HIVEP2: variants seen among roughly 807,000 people sequenced by gnomAD.
HIVEP2 encodes HIVEP zinc finger 2, also known as transcription factor HIVEP2.
In HIVEP2, 14 loss-of-function variants were observed where a neutral mutation model predicts 180.7. The observed-to-expected ratio is 0.08, with a 90% CI of 0.05 to 0.12. The LOEUF (loss-of-function observed/expected upper bound fraction) is 0.12. HIVEP2 is among the 10% of genes least tolerant of loss of function. HIVEP2 has a pLI of 1.00. For synonymous variants in HIVEP2, 1,184 were observed against 1,136.4 expected (o/e 1.04, Z -0.84); for missense variants, 2,579 against 3,008.5 (o/e 0.86, Z 3.34).
intron 1 of HIVEP2, among the ~76,000 whole-genome samples, chr6:142,934,614 AT>A (rs1365284898): frequency 2.0e-5 from 3 of 152,238 alleles, no homozygotes; most frequent in African/African-American, 7.2e-5. Flanking sequence ...GAGAAAGCGA[AT>A]TTATTAAAAT....
At chr6:142,797,599 T>C (rs1022889691) in intron 2 of HIVEP2, among the ~76,000 whole-genome samples, 2 of 152,166 alleles carry the variant, frequency 1.3e-5, no homozygotes, top group East Asian at 3.9e-4. Context: ...TTTTGCTTTC[T>C]GCAGTTTCAG....
rs1775487654 is a variant in HIVEP2, at chr6:142,770,127, G to A, written c.4612C>T (p.Leu1538=). The change falls in exon 5 of 10, where the codon CTG becomes TTG. Residue 1538 remains leucine, a synonymous_variant. Transcript: ENST00000367603. This position sits in a 1 kb window ranked among gnomAD's most constrained non-coding sequence, Gnocchi z 4.7. ...CCGGAAAGCATCTCCTTGCTGGGCA[G>A]GAATGGCTCCCTGGAAGACGGGCTA... is the stretch of plus-strand genomic sequence containing the variant. ...SVSPSSREPF[L]PSKEMLSGSR... is the part of the protein sequence containing the mutation. The A allele has an allele frequency of 1.2e-6, 2 of 1,614,228 alleles. No homozygotes were observed. Among genetic ancestry groups the A allele is most frequent in the East Asian group, 4.5e-5 (2 of 44,876 alleles).
chr6:142,873,476 C>T (rs1041698016), intron 1 of HIVEP2, among the ~76,000 whole-genome samples: 2 of 152,134 alleles, frequency 1.3e-5, no homozygotes, highest in Non-Finnish European at 2.9e-5. Flanking sequence ...TTACCACAGG[C>T]TTACATATAC....
At chr6:142,798,040 G>A (rs1212143543) in intron 2 of HIVEP2, among the ~76,000 whole-genome samples, 1 of 152,070 alleles carries the variant, frequency 6.6e-6, no homozygotes, top group Non-Finnish European at 1.5e-5. Context: ...CATTAAAAGG[G>A]ATTTTCATCC....
At chr6:142,784,183 T>C (rs1315644042) in intron 2 of HIVEP2, among the ~76,000 whole-genome samples, 4 of 152,196 alleles carry the variant, frequency 2.6e-5, no homozygotes, top group Admixed American at 6.5e-5. Context: ...AAGAAATGCA[T>C]GGAAGATCAA....
rs1260788523 is a variant in HIVEP2 at position 142,836,807 on chromosome 6, C to T, written c.-528+128G>A. The T allele has an allele frequency of 2.0e-5, 3 of 152,040 alleles. No individual in the cohort carries two copies. The East Asian group carries it at 5.8e-4, about 29-fold the overall frequency. The allele number at this position is 152,040 out of a possible 1,614,324, so 9.4% of individuals were successfully genotyped here. ...TTTAGATAATATCCAAAACATCTAT[C>T]ACAGGTTTCAAGAGCCTCAAATAAT... On this transcript the variant is annotated intron_variant, in intron 2 of 9. Transcript: ENST00000367603.
At chr6:142,934,414 C>G (rs576205096) in intron 1 of HIVEP2, among the ~76,000 whole-genome samples, 1 of 152,280 alleles carries the variant, frequency 6.6e-6, no homozygotes, top group South Asian at 2.1e-4. Context: ...GTCATCCATT[C>G]TGGTGTTCTC....
chr6:142,793,390 G>A (rs1776187645), intron 2 of HIVEP2, among the ~76,000 whole-genome samples: 1 of 152,052 alleles, frequency 6.6e-6, no homozygotes, highest in Non-Finnish European at 1.5e-5. Context: ...TAGTGACTGA[G>A]GTGATTCTTT....
chr6:142,887,787 A>G (rs1776739849), intron 1 of HIVEP2, among the ~76,000 whole-genome samples: 1 of 152,180 alleles, frequency 6.6e-6, no homozygotes, highest in African/African-American at 2.4e-5. Flanking sequence ...GAAGTTAAAC[A>G]AATCACCGTT....
intron 3 of HIVEP2, among the ~76,000 whole-genome samples, chr6:142,776,595 A>G (rs935634588): frequency 1.1e-4 from 17 of 152,050 alleles, no homozygotes; most frequent in Non-Finnish European, 2.5e-4. Flanking sequence ...CAGTGGTGCA[A>G]TCACTGCTCA....
At chr6:142,799,640 GC>G (rs1159400687) in intron 2 of HIVEP2, among the ~76,000 whole-genome samples, 8 of 152,134 alleles carry the variant, frequency 5.3e-5, no homozygotes, top group Admixed American at 5.2e-4. Flanking sequence ...CCTGCTGAAA[GC>G]ATGTTTTCCC....
At chr6:142,861,084 C>T (rs948434289) in intron 1 of HIVEP2, among the ~76,000 whole-genome samples, 57 of 152,140 alleles carry the variant, frequency 3.7e-4, no homozygotes, top group African/African-American at 1.3e-3. Flanking sequence ...AGAAACATCA[C>T]AACAGAACGA....
Position 142,774,603 on chromosome 6 carries a change from G to A in HIVEP2, c.136C>T (p.Arg46Trp), listed in dbSNP as rs200063029. 171 of 1,614,068 alleles carry A rather than the reference G, an allele frequency of 1.1e-4. No individual in the cohort carries two copies. The highest frequency in any genetic ancestry group is 1.4e-4 in the Non-Finnish European group (160 of 1,180,040). The change falls in exon 5 of 10, where the codon CGG becomes TGG. Residue 46 changes from arginine to tryptophan, a missense_variant. This residue lies in a region of HIVEP2 where 207 missense variants were observed against 210.1 expected (regional missense o/e 0.99). Coordinates refer to ENST00000367603, the MANE Select transcript of HIVEP2 (RefSeq NM_006734.4). The surrounding 1 kb of genome is among the most constrained non-coding windows in gnomAD (Gnocchi z 5.1). ...TGCTCAGGCTCTATTTGTGGTTGCC[G>A]CTGTCCTTCATGACTGCCAAAAGTG... ...MSTFGSHEGQ[R>W]QPQIEPEQIG...
At chr6:142,849,002 T>C (rs970140522) in intron 1 of HIVEP2, among the ~76,000 whole-genome samples, 8 of 152,256 alleles carry the variant, frequency 5.3e-5, no homozygotes, top group Non-Finnish European at 7.3e-5. Flanking sequence ...TAACCACTTA[T>C]ACACTTTTCT....
rs925872100 is a variant in HIVEP2 at position 142,795,857 on chromosome 6, G to A, written c.-527-12242C>T. Among the ~76,000 whole-genome samples, 4 of 152,154 alleles carry A rather than the reference G, an allele frequency of 2.6e-5. No homozygotes were observed. The East Asian group carries it at 7.7e-4, about 29-fold the overall frequency. ...ACTCCTTGGCCTCCTGCTTCTCAGT[G>A]CAAGGCTGTTTCCATTGGCGGTACA... On this transcript the variant is annotated intron_variant, in intron 2 of 9. Coordinates refer to ENST00000367603, the MANE Select transcript of HIVEP2 (RefSeq NM_006734.4).
Position 142,760,331 on chromosome 6 carries a change from G to T in HIVEP2, c.5957C>A (p.Pro1986His). ...CTGGGTATCTTCACATGAATCACTG[G>T]GTGTCATAAGCTGAGTAACTCGAAT... The part of the protein sequence containing the change: ...PSIRVTQLMT[P>H]SDSCEDTQMT... The change falls in exon 9 of 10, where the codon CCC becomes CAC. Residue 1986 changes from proline (P) to histidine (H), a missense_variant. Coordinates refer to ENST00000367603, the MANE Select transcript of HIVEP2 (RefSeq NM_006734.4). The T allele has an allele frequency of 1.9e-6, 3 of 1,614,038 alleles. No individual in the cohort carries two copies. Among genetic ancestry groups the T allele is most frequent in the Non-Finnish European group, 2.5e-6 (3 of 1,179,950 alleles).
rs1210128580 is a variant in HIVEP2, at chr6:142,751,630, T to G, written c.*1477A>C. 6.6e-6 allele frequency: 1 copy of G among 152,662 alleles called. No homozygotes were observed. The highest frequency in any genetic ancestry group is 1.5e-5 in the Non-Finnish European group (1 of 68,070). 9.5% of individuals were successfully genotyped at this position (152,662 alleles called of 1,614,324 possible). ...ATGTGCGTGCCTGTGCACATGTTGCTGCACCCCTCCCTCTCTTTCACTCTT... is the reference window on the plus strand; with the variant it reads ...ATGTGCGTGCCTGTGCACATGTTGCGGCACCCCTCCCTCTCTTTCACTCTT... On this transcript the variant is annotated 3_prime_UTR_variant, in exon 10 of 10. Coordinates refer to ENST00000367603, the MANE Select transcript of HIVEP2 (RefSeq NM_006734.4).
intron 1 of HIVEP2, among the ~76,000 whole-genome samples, chr6:142,894,096 C>T (rs937476331): frequency 1.3e-5 from 2 of 152,136 alleles, no homozygotes; most frequent in Non-Finnish European, 2.9e-5. Flanking sequence ...AAGTCTATTG[C>T]TTATAGTTAT....
At chr6:142,908,165 T>G (rs1425505500) in intron 1 of HIVEP2, among the ~76,000 whole-genome samples, 1 of 152,216 alleles carries the variant, frequency 6.6e-6, no homozygotes, top group Admixed American at 6.5e-5. Flanking sequence ...TGACTTTCAC[T>G]CATGCCACCA....
Sources: gnomAD v4.1 joint callset for allele counts (sites outside exome capture counted in the v4.1 genomes callset) on GRCh38, gnomAD v4.1.1 for gene constraint, gnomAD v4.1.1 regional missense constraint, Gnocchi (gnomAD v3.1) non-coding constraint, MANE v1.5 for transcripts, NCBI Gene and HGNC (gene_info 2026-07-23, HGNC 2026-07-21) for gene names.